The following PARD3 variants were observed in gnomAD, a reference collection of about 807,000 sequenced individuals.
PARD3 encodes partitioning defective 3 homolog.
PARD3 carries 75 observed loss-of-function variants against 155.4 expected under a neutral mutation model. That is an observed-to-expected ratio of 0.48 (90% CI 0.40 to 0.58). The LOEUF is 0.58. Among genes scored for constraint, PARD3 ranks in the 20% least tolerant of loss-of-function variants. The pLI, the probability that PARD3 is intolerant of heterozygous loss-of-function variation, is 0.00. For synonymous variants in PARD3, 576 were observed against 610.5 expected, an observed-to-expected ratio of 0.94 and a Z score of 0.83; for missense variants, 1,642 against 1,721.7, an observed-to-expected ratio of 0.95 and a Z score of 0.82.
intron 2 of PARD3, among the ~76,000 whole-genome samples, chr10:34,663,625 C>A (rs1190216646): frequency 1.3e-5 from 2 of 152,080 alleles, no homozygotes; most frequent in Non-Finnish European, 2.9e-5. Context: ...TACTTCCAAG[C>A]ATCTGATTTT....
chr10:34,638,637 C>G (rs2092566265), intron 2 of PARD3, among the ~76,000 whole-genome samples: 1 of 152,196 alleles, frequency 6.6e-6, no homozygotes. Context: ...CTGGCAGTGC[C>G]CTCTGCTGGA....
chr10:34,715,249 T>C (rs561837922), intron 1 of PARD3, among the ~76,000 whole-genome samples: 2 of 151,976 alleles, frequency 1.3e-5, no homozygotes, highest in African/African-American at 4.8e-5. Context: ...AGCACATTTT[T>C]AAATTTTTTG....
intron 22 of PARD3, among the ~76,000 whole-genome samples, chr10:34,236,708 T>C (rs893155591): frequency 6.6e-6 from 1 of 152,224 alleles, no homozygotes; most frequent in East Asian, 1.9e-4. Context: ...CTTAAACCAA[T>C]GTGAAATTTT....
chr10:34,261,843 AACACACAC>A lies in PARD3; in HGVS notation c.3419+7806_3419+7813del, dbSNP rs147251426. 6.8e-5 allele frequency among the ~76,000 whole-genome samples: 10 copies of A among 147,666 alleles called. 1 individual carries two copies. The highest frequency in any genetic ancestry group is 2.1e-4 in the African/African-American group (8 of 38,628). On this transcript the variant is annotated intron_variant, in intron 22 of 24. Transcript: ENST00000374788. ...AAAGAAAGAAACAAACAAACAAACA[AACACACAC>A]ACACTGGACAGAATGCAGTTTAGGA... is the stretch of plus-strand genomic sequence containing the variant.
intron 22 of PARD3, among the ~76,000 whole-genome samples, chr10:34,240,318 T>C (rs1953499834): frequency 6.6e-6 from 1 of 152,220 alleles, no homozygotes. Context: ...TCTGAGTAAG[T>C]ACAGATGTGC....
Position 34,349,185 on chromosome 10 carries a change from G to A in PARD3, c.2068-1070C>T, listed in dbSNP as rs142849062. ...TCTCACACATGAAACCACAACTGTC[G>A]CACTTCCTTCAGCTGAACAAATTAT... On this transcript the variant is annotated intron_variant, in intron 14 of 24. Coordinates refer to ENST00000374788, the MANE Select transcript of PARD3 (RefSeq NM_001184785.2). Among the ~76,000 whole-genome samples the A allele has an allele frequency of 2.9e-3, 444 of 152,188 alleles. 2 individuals carry two copies. Among genetic ancestry groups the A allele is most frequent in the African/African-American group, 0.01 (418 of 41,528 alleles).
At chr10:34,544,264 T>C (rs1431222046) in intron 2 of PARD3, among the ~76,000 whole-genome samples, 1 of 152,208 alleles carries the variant, frequency 6.6e-6, no homozygotes, top group Non-Finnish European at 1.5e-5. Context: ...TTAACAACTT[T>C]CATTAAAATT....
chr10:34,362,207 G>A (rs540844458), intron 12 of PARD3, among the ~76,000 whole-genome samples: 2 of 152,256 alleles, frequency 1.3e-5, no homozygotes, highest in African/African-American at 2.4e-5. Flanking sequence ...GCTGAGGCAG[G>A]AGAATGGCGT....
intron 5 of PARD3, among the ~76,000 whole-genome samples, chr10:34,417,429 A>C (rs1204855047): frequency 6.6e-6 from 1 of 152,162 alleles, no homozygotes; most frequent in Non-Finnish European, 1.5e-5. Context: ...AATTGAAAGA[A>C]TATGCTCAAC....
chr10:34,439,784 A>T (rs1031598505), intron 5 of PARD3, among the ~76,000 whole-genome samples: 4 of 152,210 alleles, frequency 2.6e-5, no homozygotes, highest in African/African-American at 9.6e-5. Context: ...AAGGACAGTA[A>T]TAATACTGAC....
intron 12 of PARD3, among the ~76,000 whole-genome samples, chr10:34,371,635 T>C (rs1840675527): frequency 6.6e-6 from 1 of 151,920 alleles, no homozygotes; most frequent in Non-Finnish European, 1.5e-5. Flanking sequence ...ATTCATTATA[T>C]TTTTTCTTTA....
At chr10:34,584,179 G>A (rs1483980595) in intron 2 of PARD3, among the ~76,000 whole-genome samples, 2 of 152,046 alleles carry the variant, frequency 1.3e-5, no homozygotes, top group Non-Finnish European at 2.9e-5. Context: ...TTAACAAAAG[G>A]GCAACCCACC....
chr10:34,172,786 A>C (rs1238997682), intron 22 of PARD3, among the ~76,000 whole-genome samples: 2 of 152,098 alleles, frequency 1.3e-5, no homozygotes, highest in Non-Finnish European at 1.5e-5. Flanking sequence ...CCCAAGCAAA[A>C]TGACATAAAT....
At chr10:34,764,968 G>A (rs1306172669) in intron 1 of PARD3, among the ~76,000 whole-genome samples, 3 of 152,120 alleles carry the variant, frequency 2.0e-5, no homozygotes, top group African/African-American at 7.2e-5. Context: ...AAAAGTTTAC[G>A]AAGTTAGGAT....
chr10:34,649,967 T>A (rs1408247991), intron 2 of PARD3, among the ~76,000 whole-genome samples: 1 of 151,984 alleles, frequency 6.6e-6, no homozygotes, highest in Non-Finnish European at 1.5e-5. Flanking sequence ...CTACACAGGG[T>A]CAGGATCATC....
chr10:34,667,668 T>C (rs1030934324), intron 2 of PARD3, among the ~76,000 whole-genome samples: 5 of 152,216 alleles, frequency 3.3e-5, no homozygotes, highest in Non-Finnish European at 7.3e-5. Context: ...ATAGGGGTGA[T>C]ATCGGACAAA....
intron 19 of PARD3, among the ~76,000 whole-genome samples, chr10:34,321,385 AT>A (rs577171809): frequency 3.9e-5 from 6 of 152,172 alleles, no homozygotes; most frequent in African/African-American, 1.2e-4. Flanking sequence ...ACATTTCTTG[AT>A]TTTTTTCTCT....
chr10:34,720,886 C>G (rs1280620841), intron 1 of PARD3, among the ~76,000 whole-genome samples: 1 of 152,110 alleles, frequency 6.6e-6, no homozygotes, highest in African/African-American at 2.4e-5. Flanking sequence ...AAAAACATTC[C>G]AAAATTATGT....
chr10:34,769,615 G>A (rs1838577414), intron 1 of PARD3, among the ~76,000 whole-genome samples: 3 of 151,606 alleles, frequency 2.0e-5, no homozygotes, highest in Admixed American at 2.0e-4. Context: ...AATTAGCCTG[G>A]CACATAGTGG....
Sources: gnomAD v4.1 joint callset for allele counts (sites outside exome capture counted in the v4.1 genomes callset) on GRCh38, gnomAD v4.1.1 for gene constraint, MANE v1.5 for transcripts, NCBI Gene and HGNC (gene_info 2026-07-23, HGNC 2026-07-21) for gene names.